Variants in ZBTB16 observed in about 807,000 individuals in gnomAD.
ZBTB16 encodes the protein zinc finger and BTB domain-containing protein 16.
Under a neutral mutation model 56.8 loss-of-function variants are expected in ZBTB16, and 8 were observed. The ratio of observed to expected loss-of-function variants is 0.14; its 90% confidence interval spans 0.08 to 0.25. The LOEUF is 0.25. Ranked by LOEUF, ZBTB16 falls within the 10% of genes least tolerant of loss-of-function variation. The pLI, the probability that ZBTB16 is intolerant of heterozygous loss-of-function variation, is 1.00. For missense variants in ZBTB16, 625 were observed against 903.0 expected (o/e 0.69, Z 3.95); for synonymous variants, 363 against 368.5 (o/e 0.98, Z 0.17).
In ZBTB16 at chr11:114,251,233, C is replaced by G. The variant is rs1944912601; in HGVS notation, c.*678C>G. Reference sequence around the variant, plus strand: ...CAGCCTCCCCTTGACTCCTGTCCTCCAAGTCCCAGGGGAGTCCCAGCCCCT... The same window carrying G: ...CAGCCTCCCCTTGACTCCTGTCCTCGAAGTCCCAGGGGAGTCCCAGCCCCT... On this transcript the variant is annotated 3_prime_UTR_variant, in exon 7 of 7. Coordinates refer to ENST00000335953, the MANE Select transcript of ZBTB16 (RefSeq NM_006006.6). 6.6e-6 allele frequency among the ~76,000 whole-genome samples: 1 copy of G among 152,144 alleles called. No individual in the cohort carries two copies. Among genetic ancestry groups the G allele is most frequent in the South Asian group, 2.1e-4 (1 of 4,820 alleles).
chr11:114,125,894 A>G (rs1941495925), intron 2 of ZBTB16, among the ~76,000 whole-genome samples: 1 of 152,260 alleles, frequency 6.6e-6, no homozygotes, highest in Admixed American at 6.5e-5. Context: ...CAGAGGGAAC[A>G]AAAGGAGCAA....
At chr11:114,170,271 G>GGA (rs915245642) in intron 3 of ZBTB16, among the ~76,000 whole-genome samples, 1 of 152,228 alleles carries the variant, frequency 6.6e-6, no homozygotes, top group African/African-American at 2.4e-5. Flanking sequence ...CAGGTCAGAG[G>GGA]GCTGCCTCTG....
intron 2 of ZBTB16, among the ~76,000 whole-genome samples, chr11:114,091,648 C>G (rs1430403010): frequency 7.5e-6 from 1 of 133,496 alleles, no homozygotes; most frequent in African/African-American, 2.7e-5. Flanking sequence ...CTTCTGCTTT[C>G]CTGTTTAAAG....
chr11:114,196,493 G>A (rs1343876615), intron 4 of ZBTB16, among the ~76,000 whole-genome samples: 2 of 152,174 alleles, frequency 1.3e-5, no homozygotes, highest in Non-Finnish European at 2.9e-5. Flanking sequence ...CTAGACCCTA[G>A]ACTTACCCTG....
intron 2 of ZBTB16, among the ~76,000 whole-genome samples, chr11:114,104,989 C>G (rs1041980616): frequency 1.3e-5 from 2 of 152,098 alleles, no homozygotes; most frequent in Non-Finnish European, 2.9e-5. Flanking sequence ...ACCCATTTTG[C>G]AGAGCAGGCC....
At chr11:114,089,074 C>T (rs552692325) in intron 2 of ZBTB16, among the ~76,000 whole-genome samples, 3 of 152,326 alleles carry the variant, frequency 2.0e-5, no homozygotes, top group Non-Finnish European at 2.9e-5. Flanking sequence ...CCAGTACCCA[C>T]GTGATTGGGC....
chr11:114,168,327 G>A (rs1942850212), intron 3 of ZBTB16, among the ~76,000 whole-genome samples: 1 of 152,226 alleles, frequency 6.6e-6, no homozygotes, highest in Non-Finnish European at 1.5e-5. Context: ...GACCTTGTCA[G>A]TAGTGTGCTC....
intron 2 of ZBTB16, among the ~76,000 whole-genome samples, chr11:114,124,890 G>A (rs985316382): frequency 6.6e-6 from 1 of 152,228 alleles, no homozygotes; most frequent in African/African-American, 2.4e-5. Flanking sequence ...AGCAAGAAGA[G>A]AAGCAGTCTC....
At position 114,183,083 on chromosome 11, in the gene ZBTB16, G is replaced by C. The variant is rs73566999; in HGVS notation, c.1367-3869G>C. On this transcript the variant is annotated intron_variant, in intron 3 of 6. Transcript: ENST00000335953. ...CGTGTCCATGGAACTGCCTGTCTTT[G>C]CTCTCACCCTGGAGAGCTGGGGGGG... Among the ~76,000 whole-genome samples, 1,438 of 150,970 alleles carry C rather than the reference G, an allele frequency of 9.5e-3. 26 individuals carry two copies. The highest frequency in any genetic ancestry group is 0.033 in the African/African-American group (1,324 of 40,696).
chr11:114,110,995 G>C (rs1474436773), intron 2 of ZBTB16, among the ~76,000 whole-genome samples: 1 of 152,174 alleles, frequency 6.6e-6, no homozygotes, highest in African/African-American at 2.4e-5. Context: ...CATGGAACCT[G>C]TTGTGCATGT....
intron 3 of ZBTB16, among the ~76,000 whole-genome samples, chr11:114,186,660 A>G (rs1943367468): frequency 6.6e-6 from 1 of 151,954 alleles, no homozygotes; most frequent in Non-Finnish European, 1.5e-5. Context: ...AGGTCTTCAG[A>G]TCCTCCTTCT....
intron 2 of ZBTB16, among the ~76,000 whole-genome samples, chr11:114,065,017 T>C (rs956733239): frequency 6.6e-6 from 1 of 152,194 alleles, no homozygotes; most frequent in Non-Finnish European, 1.5e-5. Context: ...AGCCTGTCCC[T>C]TTCTGCAGCT....
intron 2 of ZBTB16, among the ~76,000 whole-genome samples, chr11:114,105,281 C>A (rs1267697993): frequency 6.6e-6 from 1 of 151,574 alleles, no homozygotes; most frequent in African/African-American, 2.4e-5. Flanking sequence ...CGCTCTGTCA[C>A]CCAGGCTGGA....
At chr11:114,082,312 A>T (rs1228379602) in intron 2 of ZBTB16, among the ~76,000 whole-genome samples, 1 of 152,018 alleles carries the variant, frequency 6.6e-6, no homozygotes, top group African/African-American at 2.4e-5. Context: ...CAACAGCAAC[A>T]CACACCATGA....
chr11:114,143,122 C>T lies in ZBTB16; in HGVS notation c.1269-13215C>T, dbSNP rs180929360. 2.6e-5 allele frequency among the ~76,000 whole-genome samples: 4 copies of T among 152,212 alleles called. No homozygotes were observed. The highest frequency in any genetic ancestry group is 4.8e-5 in the African/African-American group (2 of 41,518). On this transcript the variant is annotated intron_variant, in intron 2 of 6. Transcript: ENST00000335953. The surrounding 1 kb of genome is among the most constrained non-coding windows in gnomAD (Gnocchi z 6.4). The stretch of plus-strand genomic sequence containing the variant: ...CCAGGTTCCGAGGCTCCTGTGCACA[C>T]GGTGAATGTGTGCTGGCTGATGAGG...
At chr11:114,146,030 A>G (rs1221165632) in intron 2 of ZBTB16, among the ~76,000 whole-genome samples, 1 of 152,194 alleles carries the variant, frequency 6.6e-6, no homozygotes, top group African/African-American at 2.4e-5. Context: ...TGGACAACCT[A>G]CCTAGAAGGG....
intron 4 of ZBTB16, among the ~76,000 whole-genome samples, chr11:114,192,126 G>A (rs1465526726): frequency 2.0e-5 from 3 of 152,224 alleles, no homozygotes; most frequent in South Asian, 2.1e-4. Context: ...CTGAAGACTC[G>A]ACTGGGCTGG....
intron 2 of ZBTB16, among the ~76,000 whole-genome samples, chr11:114,078,635 TTGAAACAGCTAGC>T (rs1032329991): frequency 2.0e-5 from 3 of 152,034 alleles, no homozygotes; most frequent in Non-Finnish European, 4.4e-5. Flanking sequence ...CACTGGGAAG[TTGAAACAGCTAGC>T]TCAAAGTCCA....
At chr11:114,065,422 C>CT (rs557087225) in intron 2 of ZBTB16, among the ~76,000 whole-genome samples, 49 of 149,496 alleles carry the variant, frequency 3.3e-4, no homozygotes, top group East Asian at 1.8e-3. Flanking sequence ...TAATGTCCTT[C>CT]TTTTTTTTTT....
Sources: allele counts gnomAD v4.1 joint callset (sites outside exome capture counted in the v4.1 genomes callset), GRCh38; gene constraint gnomAD v4.1.1; non-coding constraint Gnocchi (gnomAD v3.1); transcripts MANE v1.5; gene names NCBI Gene and HGNC (gene_info 2026-07-23, HGNC 2026-07-21).